The following AMPH variants were observed in gnomAD, a reference collection of about 807,000 sequenced individuals.
AMPH encodes the protein amphiphysin (Stiff-Mann syndrome with breast cancer 128kD autoantigen).
In AMPH, 49 loss-of-function variants were observed where a neutral mutation model predicts 99.1. The observed-to-expected ratio is 0.49, with a 90% CI of 0.39 to 0.63. The LOEUF (loss-of-function observed/expected upper bound fraction) is 0.63. Among genes scored for constraint, AMPH ranks in the 20% least tolerant of loss-of-function variants. The pLI, the probability that AMPH is intolerant of heterozygous loss-of-function variation, is 0.00. For synonymous variants in AMPH, 314 were observed against 317.3 expected, an observed-to-expected ratio of 0.99 and a Z score of 0.11; for missense variants, 759 against 863.4, an observed-to-expected ratio of 0.88 and a Z score of 1.52.
Position 38,555,355 on chromosome 7 carries a change from T to C in AMPH, c.70-20344A>G, listed in dbSNP as rs1791326884. On this transcript the variant is annotated intron_variant, in intron 1 of 20. Coordinates refer to ENST00000356264, the MANE Select transcript of AMPH (RefSeq NM_001635.4). ...AGGAGTTTGAGGCTACAGTAAGCTA[T>C]GATCATGCCACTATACTCCAGCCTG... Among the ~76,000 whole-genome samples the C allele has an allele frequency of 3.3e-5, 5 of 152,082 alleles. No individual in the cohort carries two copies. The South Asian group carries it at 1.0e-3, about 31-fold the overall frequency.
chr7:38,627,953 A>C (rs1794315897), intron 1 of AMPH, among the ~76,000 whole-genome samples: 1 of 152,206 alleles, frequency 6.6e-6, no homozygotes, highest in Non-Finnish European at 1.5e-5. Flanking sequence ...CGCAAAAGAG[A>C]AACCAGACAA....
chr7:38,546,773 G>A (rs948259876), intron 1 of AMPH, among the ~76,000 whole-genome samples: 6 of 152,194 alleles, frequency 3.9e-5, no homozygotes, highest in African/African-American at 1.4e-4. Flanking sequence ...ATACAGATAA[G>A]TAAAACGTGA....
chr7:38,431,322 C>A (rs948225706), intron 13 of AMPH, among the ~76,000 whole-genome samples: 27 of 152,148 alleles, frequency 1.8e-4, no homozygotes, highest in African/African-American at 6.5e-4. Context: ...CATCATTACC[C>A]TTATTTTATA....
intron 17 of AMPH, among the ~76,000 whole-genome samples, chr7:38,414,713 G>A (rs1785315888): frequency 6.6e-6 from 1 of 151,700 alleles, no homozygotes; most frequent in African/African-American, 2.4e-5. Context: ...CGCCCTGGTT[G>A]GAGTGCAATG....
intron 12 of AMPH, among the ~76,000 whole-genome samples, chr7:38,435,937 A>G (rs1467240393): frequency 6.6e-6 from 1 of 152,242 alleles, no homozygotes; most frequent in African/African-American, 2.4e-5. Flanking sequence ...CAAAACCAAA[A>G]GAAAGAGCTT....
chr7:38,554,027 C>T (rs1215891652), intron 1 of AMPH, among the ~76,000 whole-genome samples: 1 of 152,152 alleles, frequency 6.6e-6, no homozygotes, highest in African/African-American at 2.4e-5. Flanking sequence ...GACCCGCAGC[C>T]CCAGCTGCAT....
At chr7:38,504,545 A>G (rs918040400) in intron 2 of AMPH, among the ~76,000 whole-genome samples, 1 of 152,224 alleles carries the variant, frequency 6.6e-6, no homozygotes, top group Non-Finnish European at 1.5e-5. Context: ...ACTGTGGGCA[A>G]CTGGACCTCA....
chr7:38,486,615 G>C (rs1788506557), intron 5 of AMPH, among the ~76,000 whole-genome samples: 1 of 151,954 alleles, frequency 6.6e-6, no homozygotes, highest in African/African-American at 2.4e-5. Flanking sequence ...GTCAGACAAA[G>C]ACACCACAAG....
chr7:38,509,979 G>T (rs951932305), intron 2 of AMPH, among the ~76,000 whole-genome samples: 20 of 152,134 alleles, frequency 1.3e-4, no homozygotes, highest in African/African-American at 4.6e-4. Context: ...ATGCACTGAT[G>T]GTAGAGAAGG....
intron 17 of AMPH, among the ~76,000 whole-genome samples, chr7:38,408,338 A>AT (rs887283491): frequency 2.0e-5 from 3 of 152,096 alleles, no homozygotes; most frequent in African/African-American, 4.8e-5. Context: ...ATAGATTATA[A>AT]TTTTTTTTCT....
chr7:38,617,724 T>G (rs958205296), intron 1 of AMPH, among the ~76,000 whole-genome samples: 2 of 152,236 alleles, frequency 1.3e-5, no homozygotes, highest in East Asian at 1.9e-4. Flanking sequence ...GTGTTTATGC[T>G]TTTTAAGTCA....
At chr7:38,533,419 A>G (rs1790486342) in intron 2 of AMPH, among the ~76,000 whole-genome samples, 1 of 152,210 alleles carries the variant, frequency 6.6e-6, no homozygotes, top group African/African-American at 2.4e-5. Flanking sequence ...CTGACTACCT[A>G]TCGCACATGC....
chr7:38,535,981 G>A (rs562682505), intron 1 of AMPH, among the ~76,000 whole-genome samples: 40 of 152,140 alleles, frequency 2.6e-4, no homozygotes, highest in South Asian at 1.0e-3. Flanking sequence ...GGTAAGTTCC[G>A]TCTCACCATC....
chr7:38,581,803 G>C (rs1479465483), intron 1 of AMPH, among the ~76,000 whole-genome samples: 2 of 152,124 alleles, frequency 1.3e-5, no homozygotes, highest in Non-Finnish European at 1.5e-5. Context: ...TGAGAAGCAT[G>C]AAAGAAGGCC....
chr7:38,462,154 G>A (rs1219421277), intron 10 of AMPH, among the ~76,000 whole-genome samples: 2 of 152,122 alleles, frequency 1.3e-5, no homozygotes, highest in East Asian at 1.9e-4. Context: ...TATTCAACAC[G>A]GTTATAAAAT....
At chr7:38,620,578 C>T (rs1794025088) in intron 1 of AMPH, among the ~76,000 whole-genome samples, 1 of 151,372 alleles carries the variant, frequency 6.6e-6, no homozygotes, top group Admixed American at 6.6e-5. Context: ...CACACACACA[C>T]ACACACACAC....
intron 14 of AMPH, chr7:38,429,576 G>C: frequency 1.4e-6 from 2 of 1,450,886 alleles, no homozygotes; most frequent in Non-Finnish European, 1.8e-6. Context: ...TGAAGAGTCA[G>C]TCTTTAAAGT....
Position 38,503,719 on chromosome 7 carries a change from C to T in AMPH, c.151-15G>A, listed in dbSNP as rs1383824611. The T allele has an allele frequency of 6.2e-7, 1 of 1,613,150 alleles. No individual in the cohort carries two copies. Among genetic ancestry groups the T allele is most frequent in the Non-Finnish European group, 8.5e-7 (1 of 1,179,200 alleles). ...GTACCCTCTGCCTAAAAAACACAAG[C>T]ACAGATGCTAAATATCTAGTCTATA... On this transcript the variant is annotated splice_polypyrimidine_tract_variant and intron_variant, in intron 2 of 20. Coordinates refer to ENST00000356264, the MANE Select transcript of AMPH (RefSeq NM_001635.4).
chr7:38,461,663 C>CAATA (rs1474510920), intron 10 of AMPH, among the ~76,000 whole-genome samples: 1 of 152,148 alleles, frequency 6.6e-6, no homozygotes, highest in Non-Finnish European at 1.5e-5. Context: ...AACTCAAGTA[C>CAATA]AATACACAGA....
Sources: allele counts gnomAD v4.1 joint callset (sites outside exome capture counted in the v4.1 genomes callset), GRCh38; gene constraint gnomAD v4.1.1; transcripts MANE v1.5; gene names NCBI Gene and HGNC (gene_info 2026-07-23, HGNC 2026-07-21).